TAS1R1: variants seen among roughly 807,000 people sequenced by gnomAD.
TAS1R1 encodes taste receptor type 1 member 1.
In TAS1R1, 31 loss-of-function variants were observed where a neutral mutation model predicts 45.8. The observed-to-expected ratio is 0.68, with a 90% CI of 0.51 to 0.91. The LOEUF (loss-of-function observed/expected upper bound fraction) is 0.91. TAS1R1 is among the 40% of genes least tolerant of loss of function. The probability of loss-of-function intolerance (pLI) is 0.00; values close to 1 mark genes in which losing one functional copy is unlikely to be tolerated. For synonymous variants in TAS1R1, 437 were observed against 448.4 expected (o/e 0.97, Z 0.32); for missense variants, 1,051 against 1,063.9 (o/e 0.99, Z 0.17).
chr1:6,557,808 A>G (rs1460636677), intron 1 of TAS1R1, among the ~76,000 whole-genome samples: 1 of 152,136 alleles, frequency 6.6e-6, no homozygotes, highest in African/African-American at 2.4e-5. Context: ...GGATCAAGCA[A>G]TCCTCCATCC....
chr1:6,561,685 A>G (rs1276719990), intron 1 of TAS1R1, among the ~76,000 whole-genome samples: 1 of 150,604 alleles, frequency 6.6e-6, no homozygotes, highest in Non-Finnish European at 1.5e-5. Flanking sequence ...ACCGCACTCC[A>G]GCTTGGGCAA....
At chr1:6,573,631 G>A (rs982468140) in intron 2 of TAS1R1, among the ~76,000 whole-genome samples, 2 of 151,936 alleles carry the variant, frequency 1.3e-5, no homozygotes, top group African/African-American at 4.8e-5. Flanking sequence ...GATGATTCAA[G>A]TGCATTACAT....
intron 1 of TAS1R1, among the ~76,000 whole-genome samples, chr1:6,564,556 G>A (rs183998426): frequency 5.6e-4 from 85 of 152,276 alleles, no homozygotes; most frequent in African/African-American, 1.9e-3. Context: ...TTGGTTAACT[G>A]AGTTTTAAGG....
Position 6,574,492 on chromosome 1 carries a change from C to A in TAS1R1, c.499-139C>A. The A allele has an allele frequency of 9.0e-7, 1 of 1,113,490 alleles. No individual in the cohort carries two copies. Among genetic ancestry groups the A allele is most frequent in the Non-Finnish European group, 1.2e-6 (1 of 805,090 alleles). 69.0% of individuals were successfully genotyped at this position (1,113,490 alleles called of 1,614,324 possible). On this transcript the variant is annotated intron_variant, in intron 2 of 5. Coordinates refer to ENST00000333172, the MANE Select transcript of TAS1R1 (RefSeq NM_138697.4). The surrounding 1 kb of genome is among the most constrained non-coding windows in gnomAD (Gnocchi z 4.3). ...AGAACCTGCCCCAGTGGAGCCTTCG[C>A]AGGTGATTTGTCAGTTTCACAGGCT...
At chr1:6,559,874 C>A (rs1218490269) in intron 1 of TAS1R1, among the ~76,000 whole-genome samples, 2 of 151,440 alleles carry the variant, frequency 1.3e-5, no homozygotes, top group East Asian at 3.9e-4. Context: ...CCTGCAATCC[C>A]AGGTACTCTG....
At position 6,574,854 on chromosome 1, in the gene TAS1R1, T is replaced by A. The variant is rs1163483074; in HGVS notation, c.722T>A (p.Phe241Tyr). ...QATGQGICIA[F>Y]KDIMPFSAQV... ...ACTGGTCAGGGGATCTGCATTGCTT[T>A]CAAGGACATCATGCCCTTCTCTGCC... The change falls in exon 3 of 6, where the codon TTC becomes TAC. Residue 241 changes from phenylalanine (F) to tyrosine (Y), a missense_variant. Coordinates refer to ENST00000333172, the MANE Select transcript of TAS1R1 (RefSeq NM_138697.4). This position sits in a 1 kb window ranked among gnomAD's most constrained non-coding sequence, Gnocchi z 4.3. The A allele has an allele frequency of 6.2e-7, 1 of 1,614,266 alleles. No individual in the cohort carries two copies. The highest frequency in any genetic ancestry group is 8.5e-7 in the Non-Finnish European group (1 of 1,180,044).
intron 1 of TAS1R1, among the ~76,000 whole-genome samples, chr1:6,563,494 T>G (rs1485959104): frequency 6.6e-6 from 1 of 152,222 alleles, no homozygotes; most frequent in African/African-American, 2.4e-5. Context: ...AATGACTGCA[T>G]GTCTAAAAGT....
chr1:6,569,872 T>C (rs1452301294), intron 1 of TAS1R1, among the ~76,000 whole-genome samples: 2 of 152,022 alleles, frequency 1.3e-5, no homozygotes, highest in Non-Finnish European at 2.9e-5. Context: ...GAAGCTCTAA[T>C]GATGAATGAG....
Position 6,575,067 on chromosome 1 carries a change from T to G in TAS1R1, c.935T>G (p.Val312Gly), listed in dbSNP as rs563392776. The G allele has an allele frequency of 6.3e-7, 1 of 1,588,526 alleles. No individual in the cohort carries two copies. Among genetic ancestry groups the G allele is most frequent in the African/African-American group, 1.3e-5 (1 of 74,434 alleles). Residue 312 changes from valine to glycine, a missense_variant, in exon 3 of 6, where the codon GTG (valine) becomes GGG (glycine). Physicochemically the swap from Val to Gly is moderately radical, Grantham distance 109. Transcript: ENST00000333172. The stretch of plus-strand genomic sequence containing the variant: ...GCCCTCTCCAGGCACATCACTGGGG[T>G]GCCCGGGATCCAGCGCATTGGGATG... ...AWALSRHITG[V>G]PGIQRIGMVL...
At chr1:6,575,510 GTTTT>G (rs1328059612) in intron 3 of TAS1R1, 118 bp downstream of exon 3, 2 of 1,223,806 alleles carry the variant, frequency 1.6e-6, no homozygotes, top group East Asian at 2.7e-5. Flanking sequence ...CTAACTTGAG[GTTTT>G]TTGTTTTGTT....
chr1:6,571,171 G>A lies in TAS1R1; in HGVS notation c.454G>A (p.Ala152Thr). 6.2e-7 allele frequency: 1 copy of A among 1,600,050 alleles called. No individual in the cohort carries two copies. Among genetic ancestry groups the A allele is most frequent in the Non-Finnish European group, 8.5e-7 (1 of 1,172,112 alleles). ...GATTGGGCCTGACAGCACCAACCGT[G>A]CTGCCACCACAGCCGCCCTGCTGAG... ...AVIGPDSTNR[A>T]ATTAALLSPF... The change falls in exon 2 of 6, where the codon GCT (alanine) becomes ACT (threonine). Residue 152 changes from alanine to threonine, a missense_variant. By Grantham distance (58) the Ala-to-Thr change is moderately conservative (BLOSUM62 0). Transcript: ENST00000333172.
chr1:6,574,592 T>C lies in TAS1R1; in HGVS notation c.499-39T>C, dbSNP rs1465094283. ...ACAGGGCCAGGCACTGGGGGGGCCTTCAGTGGAGACTGAAATGGCTGAACG... is the reference window on the plus strand; with the variant it reads ...ACAGGGCCAGGCACTGGGGGGGCCTCCAGTGGAGACTGAAATGGCTGAACG... On this transcript the variant is annotated intron_variant, in intron 2 of 5. Transcript: ENST00000333172. This position sits in a 1 kb window ranked among gnomAD's most constrained non-coding sequence, Gnocchi z 4.3. 6.4e-7 allele frequency: 1 copy of C among 1,565,282 alleles called. No homozygotes were observed. Among genetic ancestry groups the C allele is most frequent in the African/African-American group, 1.3e-5 (1 of 74,284 alleles).
rs143915944 is a variant in TAS1R1, at chr1:6,572,652, T to C, written c.498+1437T>C. ...CCCCCACCTGGCTTTCACTTGCAGC[T>C]CTTCTCTCCTTTTGCCCCACTTCCT... On this transcript the variant is annotated intron_variant, in intron 2 of 5. Coordinates refer to ENST00000333172, the MANE Select transcript of TAS1R1 (RefSeq NM_138697.4). Among the ~76,000 whole-genome samples the C allele has an allele frequency of 3.4e-3, 514 of 151,780 alleles. 6 individuals carry two copies. In the East Asian group the frequency reaches 0.036, roughly 11 times the overall value.
At chr1:6,558,643 C>T (rs1445557427) in intron 1 of TAS1R1, among the ~76,000 whole-genome samples, 4 of 151,950 alleles carry the variant, frequency 2.6e-5, no homozygotes, top group Admixed American at 6.6e-5. Context: ...TCACTTGAAC[C>T]GGGGTGGCAG....
At chr1:6,559,018 A>C (rs1639734882) in intron 1 of TAS1R1, among the ~76,000 whole-genome samples, 1 of 151,498 alleles carries the variant, frequency 6.6e-6, no homozygotes, top group South Asian at 2.1e-4. Context: ...CAGCCTCCGG[A>C]ATACCTGGGA....
chr1:6,575,515 T>C lies in TAS1R1; in HGVS notation c.1260+123T>C, dbSNP rs1640145036. 3.3e-5 allele frequency: 36 copies of C among 1,100,320 alleles called. No homozygotes were observed. The South Asian group carries it at 6.1e-4, about 19-fold the overall frequency. 68.2% of individuals were successfully genotyped at this position (1,100,320 alleles called of 1,614,324 possible). ...ATAAATGCCACTAACTTGAGGTTTT[T>C]TGTTTTGTTTTGTTTTGTTTTTTGA... On this transcript the variant is annotated intron_variant, in intron 3 of 5. Coordinates refer to ENST00000333172, the MANE Select transcript of TAS1R1 (RefSeq NM_138697.4).
At chr1:6,556,770 G>T (rs944642602) in intron 1 of TAS1R1, among the ~76,000 whole-genome samples, 2 of 151,886 alleles carry the variant, frequency 1.3e-5, no homozygotes, top group African/African-American at 2.4e-5. Flanking sequence ...CAGCACTTTG[G>T]GAGGCTGAGA....
intron 1 of TAS1R1, among the ~76,000 whole-genome samples, chr1:6,558,856 T>A (rs1639731256): frequency 6.6e-6 from 1 of 151,100 alleles, no homozygotes; most frequent in South Asian, 2.1e-4. Flanking sequence ...GTAGCTGGGA[T>A]CACAGACATG....
At position 6,574,930 on chromosome 1, in the gene TAS1R1, C is replaced by A; in HGVS notation, c.798C>A (p.Ala266=). 3.1e-6 allele frequency: 5 copies of A among 1,612,848 alleles called. No homozygotes were observed. The highest frequency in any genetic ancestry group is 4.2e-6 in the Non-Finnish European group (5 of 1,179,014). The change falls in exon 3 of 6, where the codon GCC becomes GCA. Residue 266 remains alanine (A), a synonymous_variant. Coordinates refer to ENST00000333172, the MANE Select transcript of TAS1R1 (RefSeq NM_138697.4). This position sits in a 1 kb window ranked among gnomAD's most constrained non-coding sequence, Gnocchi z 4.3. ...GCCTCATGCGCCACCTGGCCCAGGC[C>A]GGGGCCACCGTCGTGGTTGTTTTTT... ...MQCLMRHLAQ[A]GATVVVVFSS...
Sources: allele counts gnomAD v4.1 joint callset (sites outside exome capture counted in the v4.1 genomes callset), GRCh38; gene constraint gnomAD v4.1.1; non-coding constraint Gnocchi (gnomAD v3.1); transcripts MANE v1.5; gene names NCBI Gene and HGNC (gene_info 2026-07-23, HGNC 2026-07-21).